Variants in RTL4 observed in about 807,000 individuals in gnomAD.
RTL4 encodes retrotransposon Gag like 4, also known as retrotransposon Gag-like protein 4.
Under a neutral mutation model 5.3 loss-of-function variants are expected in RTL4, and 4 were observed. The observed-to-expected ratio is 0.75, with a 90% CI of 0.37 to 1.72. The LOEUF is 1.72. Among genes scored for constraint, RTL4 ranks in the 40% most tolerant of loss-of-function variants. The pLI is 0.04. For missense variants in RTL4, 260 were observed against 227.1 expected, an observed-to-expected ratio of 1.14 and a Z score of -0.93; for synonymous variants, 98 against 87.3, an observed-to-expected ratio of 1.12 and a Z score of -0.68.
At chrX:112,323,734 T>C in the RTL4 span, among the ~76,000 whole-genome samples, 1 of 111,290 alleles carries the variant, frequency 9.0e-6, no homozygotes, top group Non-Finnish European at 1.9e-5. Flanking sequence ...AAGCGATCTA[T>C]CTGTCTCAGC....
the RTL4 span, among the ~76,000 whole-genome samples, chrX:112,111,993 C>T: frequency 1.8e-5 from 2 of 111,730 alleles, no homozygotes; most frequent in Non-Finnish European, 3.8e-5. Context: ...TGTCTAATAG[C>T]CATAAACTTC....
chrX:112,345,775 T>C, the RTL4 span, among the ~76,000 whole-genome samples: 1 of 111,466 alleles, frequency 9.0e-6, no homozygotes, highest in African/African-American at 3.3e-5. Flanking sequence ...GGGCCTCTTG[T>C]CAGATTACCA....
chrX:112,427,963 A>G, the RTL4 span, among the ~76,000 whole-genome samples: 7 of 106,836 alleles, frequency 6.6e-5, no homozygotes, highest in Non-Finnish European at 1.2e-4. Flanking sequence ...CCATTATATT[A>G]TTCTCACACA....
the RTL4 span, among the ~76,000 whole-genome samples, chrX:112,258,195 T>C: frequency 9.0e-6 from 1 of 110,585 alleles, no homozygotes; most frequent in East Asian, 2.8e-4. Flanking sequence ...TTAAAATGCA[T>C]TTAATGAAAT....
the RTL4 span, among the ~76,000 whole-genome samples, chrX:112,388,622 G>A: frequency 8.9e-6 from 1 of 111,835 alleles, no homozygotes; most frequent in African/African-American, 3.3e-5. Context: ...TTAACATGAA[G>A]GGTCATTGAA....
the RTL4 span, among the ~76,000 whole-genome samples, chrX:112,448,943 A>AG: frequency 6.3e-4 from 71 of 112,162 alleles, no homozygotes; most frequent in East Asian, 0.013. Flanking sequence ...TGATGGATCA[A>AG]GTGTGGTTCC....
At chrX:112,439,149 G>A in the RTL4 span, among the ~76,000 whole-genome samples, 1 of 111,388 alleles carries the variant, frequency 9.0e-6, no homozygotes, top group South Asian at 3.8e-4. Flanking sequence ...AGGTCGTGAG[G>A]GCTTTTGGCA....
chrX:112,448,149 C>T, the RTL4 span, among the ~76,000 whole-genome samples: 5 of 111,732 alleles, frequency 4.5e-5, no homozygotes, highest in East Asian at 1.4e-3. Flanking sequence ...ACGAAAGAGA[C>T]AGGAGGGAGC....
chrX:112,144,226 G>C, the RTL4 span, among the ~76,000 whole-genome samples: 1 of 111,575 alleles, frequency 9.0e-6, no homozygotes, highest in Non-Finnish European at 1.9e-5. Flanking sequence ...GCCGTTTGGA[G>C]TCAAATTGCC....
the RTL4 span, among the ~76,000 whole-genome samples, chrX:112,183,695 C>T: frequency 8.9e-6 from 1 of 112,088 alleles, no homozygotes; most frequent in African/African-American, 3.3e-5. Flanking sequence ...GAGACTTAGA[C>T]TCCTCTTAAA....
the RTL4 span, among the ~76,000 whole-genome samples, chrX:112,355,939 AC>A: frequency 2.7e-5 from 3 of 111,284 alleles, no homozygotes; most frequent in Non-Finnish European, 5.7e-5. Flanking sequence ...GTTTAAATTT[AC>A]CTCATGTAGG....
chrX:112,289,613 C>T, the RTL4 span, among the ~76,000 whole-genome samples: 1 of 111,451 alleles, frequency 9.0e-6, no homozygotes, highest in African/African-American at 3.3e-5. Context: ...ATAATAGAAC[C>T]TTATGTCACC....
the RTL4 span, among the ~76,000 whole-genome samples, chrX:112,330,793 T>G: frequency 9.0e-6 from 1 of 111,393 alleles, no homozygotes; most frequent in Admixed American, 9.6e-5. Context: ...AGCATGGTAC[T>G]GGTACCAAAA....
chrX:112,352,030 G>T, the RTL4 span, among the ~76,000 whole-genome samples: 1 of 111,382 alleles, frequency 9.0e-6, no homozygotes, highest in Admixed American at 9.6e-5. Flanking sequence ...CATGTTTAGT[G>T]TTTCCTTCAG....
At chrX:112,377,911 T>C in the RTL4 span, among the ~76,000 whole-genome samples, 1 of 112,057 alleles carries the variant, frequency 8.9e-6, no homozygotes. Context: ...CCATTTGAAA[T>C]GCTTTTGAGC....
the RTL4 span, among the ~76,000 whole-genome samples, chrX:112,107,446 C>A: frequency 9.0e-6 from 1 of 111,024 alleles, no homozygotes; most frequent in African/African-American, 3.3e-5. Context: ...TCATTAGTAT[C>A]ATTTTCTTTT....
At chrX:112,188,383 G>T in the RTL4 span, among the ~76,000 whole-genome samples, 1 of 111,718 alleles carries the variant, frequency 9.0e-6, no homozygotes, top group Non-Finnish European at 1.9e-5. Flanking sequence ...TTATTCATGG[G>T]CACCAAACAC....
At chrX:112,216,431 A>C in the RTL4 span, among the ~76,000 whole-genome samples, 2 of 111,904 alleles carry the variant, frequency 1.8e-5, no homozygotes, top group African/African-American at 6.5e-5. Context: ...ATAGCCATAA[A>C]CCCCAATAGT....
At chrX:112,323,649 T>C in the RTL4 span, among the ~76,000 whole-genome samples, 1 of 109,555 alleles carries the variant, frequency 9.1e-6, no homozygotes, top group African/African-American at 3.3e-5. Flanking sequence ...ACATGCTCCA[T>C]CCCCAGCTAA....
Sources: gnomAD v4.1 joint callset for allele counts (sites outside exome capture counted in the v4.1 genomes callset) on GRCh38, gnomAD v4.1.1 for gene constraint, MANE v1.5 for transcripts, NCBI Gene and HGNC (gene_info 2026-07-23, HGNC 2026-07-21) for gene names.